The following NLGN1 variants were observed in gnomAD, a reference collection of about 807,000 sequenced individuals.
The protein encoded by NLGN1 is neuroligin-1.
A neutral mutation model predicts 65.5 loss-of-function variants in NLGN1; 12 were observed. The observed-to-expected ratio is 0.18, with a 90% CI of 0.12 to 0.30. The LOEUF is 0.30. Among genes scored for constraint, NLGN1 ranks in the 10% least tolerant of loss-of-function variants. The pLI is 1.00. For missense variants in NLGN1, 750 were observed against 1,007.1 expected, an observed-to-expected ratio of 0.74 and a Z score of 3.46; for synonymous variants, 350 against 359.5, an observed-to-expected ratio of 0.97 and a Z score of 0.30.
intron 2 of NLGN1, among the ~76,000 whole-genome samples, chr3:173,535,096 A>T (rs558446994): frequency 1.9e-4 from 29 of 152,218 alleles, no homozygotes; most frequent in Non-Finnish European, 3.7e-4. Context: ...GAAAACGGAT[A>T]GATTAAAAAT....
intron 4 of NLGN1, among the ~76,000 whole-genome samples, chr3:174,084,805 G>A (rs1286999569): frequency 2.0e-5 from 3 of 151,656 alleles, no homozygotes; most frequent in Non-Finnish European, 4.4e-5. Flanking sequence ...TTTTTATATT[G>A]GAATAATGAG....
intron 4 of NLGN1, among the ~76,000 whole-genome samples, chr3:173,822,650 A>G (rs1444561588): frequency 6.6e-6 from 1 of 152,042 alleles, no homozygotes; most frequent in African/African-American, 2.4e-5. Context: ...CATTCTGGCT[A>G]ACTGTTACTC....
At chr3:173,417,471 A>G (rs1714037145) in intron 1 of NLGN1, among the ~76,000 whole-genome samples, 1 of 151,928 alleles carries the variant, frequency 6.6e-6, no homozygotes, top group South Asian at 2.1e-4. Flanking sequence ...TCATATAAGC[A>G]TTTTTACTTT....
chr3:173,882,522 C>T (rs751404192), intron 4 of NLGN1, among the ~76,000 whole-genome samples: 2 of 152,204 alleles, frequency 1.3e-5, no homozygotes, highest in Non-Finnish European at 2.9e-5. Context: ...GCATCTGCAC[C>T]AGCATTTCCT....
intron 4 of NLGN1, among the ~76,000 whole-genome samples, chr3:174,188,873 A>C (rs71310572): frequency 1.3e-5 from 2 of 152,012 alleles, no homozygotes; most frequent in African/African-American, 2.4e-5. Flanking sequence ...AAATTTATTT[A>C]AGAGGCAACA....
chr3:174,058,932 A>C (rs1001220145), intron 4 of NLGN1, among the ~76,000 whole-genome samples: 3 of 152,166 alleles, frequency 2.0e-5, no homozygotes, highest in African/African-American at 7.2e-5. Context: ...CTCAAAGCAA[A>C]TGCCAGTTCT....
exon 7 of NLGN1, chr3:174,282,412 G>C (rs1304505107): frequency 6.6e-6 from 1 of 152,140 alleles, no homozygotes; most frequent in Non-Finnish European, 1.5e-5. Context: ...TACTCATGCT[G>C]CATGACAAAA....
chr3:173,586,484 GTA>G (rs1435039763), intron 2 of NLGN1, among the ~76,000 whole-genome samples: 6 of 152,150 alleles, frequency 3.9e-5, no homozygotes, highest in Non-Finnish European at 8.8e-5. Context: ...ATTTGTGTGT[GTA>G]TGTGTGTTTC....
chr3:173,542,418 TG>T (rs1355073784), intron 2 of NLGN1, among the ~76,000 whole-genome samples: 1 of 152,028 alleles, frequency 6.6e-6, no homozygotes, highest in Non-Finnish European at 1.5e-5. Flanking sequence ...TCCCATTGCT[TG>T]ATTTCCTCAA....
intron 3 of NLGN1, among the ~76,000 whole-genome samples, chr3:173,719,668 T>C (rs1019110826): frequency 6.6e-6 from 1 of 152,242 alleles, no homozygotes; most frequent in African/African-American, 2.4e-5. Context: ...TGAACTTTTC[T>C]CAGAAAATAC....
At chr3:173,851,974 G>T (rs1727019586) in intron 4 of NLGN1, among the ~76,000 whole-genome samples, 1 of 151,704 alleles carries the variant, frequency 6.6e-6, no homozygotes, top group Non-Finnish European at 1.5e-5. Context: ...TGGAAAATCA[G>T]AGTGTTTCCT....
intron 5 of NLGN1, among the ~76,000 whole-genome samples, chr3:174,278,155 C>T (rs559153912): frequency 1.3e-5 from 2 of 152,054 alleles, no homozygotes; most frequent in Admixed American, 1.3e-4. Flanking sequence ...AGTTAAATCA[C>T]CCCACACTAA....
At chr3:173,436,595 C>T (rs974508385) in intron 2 of NLGN1, among the ~76,000 whole-genome samples, 1 of 152,204 alleles carries the variant, frequency 6.6e-6, no homozygotes, top group Admixed American at 6.5e-5. Flanking sequence ...TGTAACTCAA[C>T]CCAGCCAGAT....
At chr3:173,935,139 A>G (rs2152295108) in intron 4 of NLGN1, among the ~76,000 whole-genome samples, 1 of 152,000 alleles carries the variant, frequency 6.6e-6, no homozygotes, top group Non-Finnish European at 1.5e-5. Context: ...TCTCTTCCTT[A>G]TTATTCCCAC....
intron 3 of NLGN1, among the ~76,000 whole-genome samples, chr3:173,625,614 T>G (rs2149520003): frequency 1.3e-5 from 2 of 152,240 alleles, no homozygotes; most frequent in East Asian, 3.9e-4. Context: ...AACTGTTTAT[T>G]AAATAACTTT....
chr3:173,763,418 T>G lies in NLGN1; in HGVS notation c.494-44262T>G, dbSNP rs1161288251. On this transcript the variant is annotated intron_variant, in intron 3 of 6. Transcript: ENST00000457714. ...GTTGTGAGAAAAAAGACATGTAATT[T>G]CATGCCCTGTTGAATAAAATGGAAA... Among the ~76,000 whole-genome samples, 3 of 152,142 alleles carry G rather than the reference T, an allele frequency of 2.0e-5. No individual in the cohort carries two copies. In the East Asian group the frequency reaches 5.8e-4, roughly 29 times the overall value.
intron 3 of NLGN1, among the ~76,000 whole-genome samples, chr3:173,797,754 A>G (rs1051297671): frequency 6.6e-6 from 1 of 151,802 alleles, no homozygotes; most frequent in Non-Finnish European, 1.5e-5. Context: ...CCATGCATCC[A>G]TGGAAAAACT....
chr3:173,521,509 A>T (rs553254150), intron 2 of NLGN1, among the ~76,000 whole-genome samples: 1 of 152,204 alleles, frequency 6.6e-6, no homozygotes, highest in Non-Finnish European at 1.5e-5. Flanking sequence ...AAAGCCTAGA[A>T]TCAGCACTGT....
chr3:173,944,737 C>T (rs1284320745), intron 4 of NLGN1, among the ~76,000 whole-genome samples: 1 of 152,128 alleles, frequency 6.6e-6, no homozygotes, highest in Non-Finnish European at 1.5e-5. Flanking sequence ...CATCTTTGCT[C>T]CTTTCTGGTC....
Sources: gnomAD v4.1 joint callset for allele counts (sites outside exome capture counted in the v4.1 genomes callset) on GRCh38, gnomAD v4.1.1 for gene constraint, MANE v1.5 for transcripts, NCBI Gene and HGNC (gene_info 2026-07-23, HGNC 2026-07-21) for gene names.